The following OTOGL variants were observed in gnomAD, a reference collection of about 807,000 sequenced individuals.
The protein encoded by OTOGL is otogelin-like protein.
A neutral mutation model predicts 318.5 loss-of-function variants in OTOGL; 285 were observed. The ratio of observed to expected loss-of-function variants is 0.89; its 90% CI spans 0.81 to 0.99. The LOEUF is 0.99. Ranked by LOEUF, OTOGL falls within the 50% of genes least tolerant of loss-of-function variation. The pLI is 0.00. For missense variants in OTOGL, 2,899 were observed against 2,845.6 expected (o/e 1.02, Z -0.43); for synonymous variants, 987 against 936.5 (o/e 1.05, Z -0.99).
At chr12:80,343,106 C>A in intron 44 of OTOGL, among the ~76,000 whole-genome samples, 1 of 152,136 alleles carries the variant, frequency 6.6e-6, no homozygotes, top group East Asian at 1.9e-4. Context: ...GATCTCCTGA[C>A]CTCGTGATCA....
At chr12:80,308,590 CG>C (rs1474444271) in intron 29 of OTOGL, among the ~76,000 whole-genome samples, 2 of 151,874 alleles carry the variant, frequency 1.3e-5, no homozygotes, top group African/African-American at 2.4e-5. Context: ...GCTGCAATCT[CG>C]GCACTTTGGG....
chr12:80,370,325 C>A (rs1890798896), intron 55 of OTOGL, among the ~76,000 whole-genome samples: 1 of 151,868 alleles, frequency 6.6e-6, no homozygotes, highest in Non-Finnish European at 1.5e-5. Context: ...AGTATGAAAC[C>A]TAGCATATAC....
chr12:80,364,723 C>T (rs753988662), intron 52 of OTOGL, among the ~76,000 whole-genome samples: 2 of 151,970 alleles, frequency 1.3e-5, no homozygotes, highest in African/African-American at 4.8e-5. Flanking sequence ...GAAGGTTAAT[C>T]CGTGTTGCTG....
chr12:80,286,613 T>G (rs1884644174), intron 26 of OTOGL, among the ~76,000 whole-genome samples: 1 of 152,224 alleles, frequency 6.6e-6, no homozygotes. Context: ...AGGGTGTATG[T>G]GTCCAGGAAT....
At chr12:80,242,849 CA>C (rs545262050) in intron 11 of OTOGL, among the ~76,000 whole-genome samples, 1 of 152,186 alleles carries the variant, frequency 6.6e-6, no homozygotes, top group South Asian at 2.1e-4. Context: ...TTAACTTTAT[CA>C]GAGAGTGCCT....
chr12:80,262,264 G>A (rs752464544), intron 19 of OTOGL, among the ~76,000 whole-genome samples, 171 bp downstream of exon 19: 18 of 151,278 alleles, frequency 1.2e-4, no homozygotes, highest in Admixed American at 2.6e-4. Context: ...CTTTACATAT[G>A]TCTTTTCATG....
intron 1 of OTOGL, among the ~76,000 whole-genome samples, chr12:80,111,024 G>A (rs188317380): frequency 2.1e-4 from 32 of 152,158 alleles, no homozygotes; most frequent in African/African-American, 6.7e-4. Context: ...TTTTTCATAC[G>A]TTTGTTGGCT....
intron 1 of OTOGL, among the ~76,000 whole-genome samples, chr12:80,139,412 G>C (rs1486333777): frequency 6.6e-6 from 1 of 152,242 alleles, no homozygotes; most frequent in Non-Finnish European, 1.5e-5. Flanking sequence ...GTTTCTCCCA[G>C]TTACAACGTT....
intron 35 of OTOGL, among the ~76,000 whole-genome samples, chr12:80,324,345 AC>A (rs1887545891): frequency 1.3e-5 from 2 of 152,136 alleles, no homozygotes; most frequent in Admixed American, 6.6e-5. Context: ...TAATTTGAGA[AC>A]AGTGCAAAGG....
In OTOGL at chr12:80,307,464, G is replaced by A. The variant is rs550057592; in HGVS notation, c.3333+1769G>A. On this transcript the variant is annotated intron_variant, in intron 29 of 58. Transcript: ENST00000547103. Reference sequence around the variant, plus strand: ...GACCCCCCCCACCTCCCTCCTGGACGGGGTGGCTGGCCGGGCAGAGGGGCT... The same window carrying A: ...GACCCCCCCCACCTCCCTCCTGGACAGGGTGGCTGGCCGGGCAGAGGGGCT... Among the ~76,000 whole-genome samples the A allele has an allele frequency of 4.0e-5, 6 of 149,142 alleles. No individual in the cohort carries two copies. In the East Asian group the frequency reaches 8.1e-4, roughly 20 times the overall value.
chr12:80,339,551 A>G (rs1174901659), intron 43 of OTOGL, among the ~76,000 whole-genome samples: 1 of 151,966 alleles, frequency 6.6e-6, no homozygotes, highest in Non-Finnish European at 1.5e-5. Flanking sequence ...ATTAGGCATT[A>G]ATGAAGCATC....
chr12:80,110,977 A>G (rs1248085010), intron 1 of OTOGL, among the ~76,000 whole-genome samples: 1 of 152,106 alleles, frequency 6.6e-6, no homozygotes, highest in Non-Finnish European at 1.5e-5. Context: ...TTGTGGTTTT[A>G]ATTTACATTT....
intron 5 of OTOGL, among the ~76,000 whole-genome samples, chr12:80,218,798 T>TC (rs1208737415): frequency 2.8e-5 from 4 of 142,098 alleles, no homozygotes; most frequent in Non-Finnish European, 4.6e-5. Context: ...TTTCTTTCTT[T>TC]TTTTTTTTTT....
chr12:80,280,374 C>T (rs966946596), intron 26 of OTOGL, among the ~76,000 whole-genome samples: 1 of 59,628 alleles, frequency 1.7e-5, no homozygotes, highest in African/African-American at 3.9e-5. Context: ...TTTGACAAGG[C>T]CTACATCCAG....
At chr12:80,360,841 A>G (rs1592756341) in intron 52 of OTOGL, among the ~76,000 whole-genome samples, 1 of 151,864 alleles carries the variant, frequency 6.6e-6, no homozygotes, top group South Asian at 2.1e-4. Flanking sequence ...GTTTAATTTT[A>G]TTTTTTATTT....
At chr12:80,134,888 G>A (rs1871453231) in intron 1 of OTOGL, among the ~76,000 whole-genome samples, 1 of 152,098 alleles carries the variant, frequency 6.6e-6, no homozygotes, top group African/African-American at 2.4e-5. Flanking sequence ...ATCCCCAACA[G>A]TTTTCCAAGT....
At chr12:80,148,454 T>C (rs1592495325) in intron 1 of OTOGL, among the ~76,000 whole-genome samples, 1 of 149,690 alleles carries the variant, frequency 6.7e-6, no homozygotes, top group Non-Finnish European at 1.5e-5. Flanking sequence ...CCTTTGAGGG[T>C]AACCCGACCT....
chr12:80,251,822 C>G, intron 12 of OTOGL, 23 bp downstream of exon 12: 1 of 1,542,280 alleles, frequency 6.5e-7, no homozygotes, highest in African/African-American at 1.4e-5. Context: ...ATTTTCCAAG[C>G]CCTGTGTACT....
chr12:80,317,326 C>T (rs1887033956), intron 32 of OTOGL, among the ~76,000 whole-genome samples: 2 of 152,100 alleles, frequency 1.3e-5, no homozygotes, highest in African/African-American at 2.4e-5. Flanking sequence ...ACTTTTGTCT[C>T]CCAGTTGCTG....
Sources: gnomAD v4.1 joint callset for allele counts (sites outside exome capture counted in the v4.1 genomes callset) on GRCh38, gnomAD v4.1.1 for gene constraint, MANE v1.5 for transcripts, NCBI Gene and HGNC (gene_info 2026-07-23, HGNC 2026-07-21) for gene names.